The following KRT86 variants were observed in gnomAD, a reference collection of about 807,000 sequenced individuals.
KRT86 encodes the protein keratin 86, also known as keratin, type II cuticular Hb6.
A neutral mutation model predicts 41.2 loss-of-function variants in KRT86; 30 were observed. The ratio of observed to expected loss-of-function variants is 0.73; its 90% CI spans 0.54 to 0.99. The LOEUF (loss-of-function observed/expected upper bound fraction) is 0.99. Among genes scored for constraint, KRT86 ranks in the 50% least tolerant of loss-of-function variants. The pLI is 0.00. For synonymous variants in KRT86, 238 were observed against 238.1 expected, an observed-to-expected ratio of 1.00 and a Z score of 0.00; for missense variants, 561 against 571.4, an observed-to-expected ratio of 0.98 and a Z score of 0.19.
At chr12:52,282,377 C>T (rs985159782) in intron 2 of KRT86, among the ~76,000 whole-genome samples, 3 of 152,086 alleles carry the variant, frequency 2.0e-5, no homozygotes, top group Non-Finnish European at 2.9e-5. Flanking sequence ...GGACTACAGG[C>T]GCCTGCCACC....
Position 52,303,221 on chromosome 12 carries a change from GGGAGGCCGAGTGCGT to G in KRT86, c.501_515del (p.Glu167_Ala171del). 1 of 450,688 alleles carries G rather than the reference GGGAGGCCGAGTGCGT, an allele frequency of 2.2e-6. No individual in the cohort carries two copies. The allele number at this position is 450,688 out of a possible 1,614,324, so 27.9% of individuals were successfully genotyped here. On this transcript the variant is annotated inframe_deletion, in exon 4 of 11. Transcript: ENST00000423955. ...GAGGGCTACATCGAGACTCTGCGGC[GGGAGGCCGAGTGCGT>G]GGAGGCCGACAGCGGGAGGCTGGCC...
intron 2 of KRT86, among the ~76,000 whole-genome samples, chr12:52,285,240 G>A (rs4237896): frequency 0.48 from 73,452 of 151,892 alleles, 18,098 homozygotes; most frequent in Non-Finnish European, 0.52. Flanking sequence ...TGGGGCCCAG[G>A]CAGTCTGGCT....
At chr12:52,275,332 A>T (rs1248056299) in intron 1 of KRT86, among the ~76,000 whole-genome samples, 4 of 152,204 alleles carry the variant, frequency 2.6e-5, no homozygotes, top group Non-Finnish European at 5.9e-5. Flanking sequence ...AATCTAGATC[A>T]CTGTCCCTGG....
chr12:52,301,734 C>T (rs1938382035), intron 2 of KRT86, 179 bp from the exon 3 acceptor site: 4 of 1,184,636 alleles, frequency 3.4e-6, no homozygotes, highest in Non-Finnish European at 4.8e-6. Flanking sequence ...TGGGGAGCGA[C>T]AGCAGCTAAA....
At chr12:52,288,780 A>C (rs1368274564) in intron 2 of KRT86, among the ~76,000 whole-genome samples, 7 of 151,792 alleles carry the variant, frequency 4.6e-5, no homozygotes, top group Admixed American at 1.3e-4. Context: ...TGTCCCCCAC[A>C]AGTGCTCCAA....
At chr12:52,282,228 CT>C (rs561750119) in intron 2 of KRT86, among the ~76,000 whole-genome samples, 219 of 143,922 alleles carry the variant, frequency 1.5e-3, no homozygotes, top group African/African-American at 5.1e-3. Context: ...TTTGAGCCCC[CT>C]GAAACAATTT....
chr12:52,285,112 A>G (rs1937882950), intron 2 of KRT86, among the ~76,000 whole-genome samples: 1 of 152,314 alleles, frequency 6.6e-6, no homozygotes, highest in South Asian at 2.1e-4. Context: ...CCTTTAACTC[A>G]TCAACTTATG....
At chr12:52,295,048 T>G (rs1401448533) in intron 2 of KRT86, among the ~76,000 whole-genome samples, 1 of 152,254 alleles carries the variant, frequency 6.6e-6, no homozygotes, top group African/African-American at 2.4e-5. Context: ...TTCTGTAGAT[T>G]GAACAGAGCT....
rs537497895 is a variant in KRT86, at chr12:52,296,948, T to C, written c.-4-4965T>C. ...TAGCAGAGTCTCAGGGACGACACTGTCCCTGCTTATGAGGGCTGTGCCTCA... is the reference window on the plus strand; with the variant it reads ...TAGCAGAGTCTCAGGGACGACACTGCCCCTGCTTATGAGGGCTGTGCCTCA... On this transcript the variant is annotated intron_variant, in intron 2 of 10. Coordinates refer to ENST00000423955, the MANE Select transcript of KRT86 (RefSeq NM_001320198.2). 6.6e-5 allele frequency among the ~76,000 whole-genome samples: 10 copies of C among 152,336 alleles called. No homozygotes were observed. The South Asian group carries it at 2.1e-3, about 32-fold the overall frequency.
chr12:52,291,171 C>T lies in KRT86; in HGVS notation c.-4-10742C>T, dbSNP rs775232167. On this transcript the variant is annotated intron_variant, in intron 2 of 10. Transcript: ENST00000423955. ...TTCTCCTCCTGCTTCACGCACTGCG[C>T]GTTGGGGTCGATCTCCAGGTTGAGG... The T allele has an allele frequency of 3.8e-5, 46 of 1,211,142 alleles. No individual in the cohort carries two copies. Among genetic ancestry groups the T allele is most frequent in the Non-Finnish European group, 4.5e-5 (40 of 882,396 alleles). 75.0% of individuals were successfully genotyped at this position (1,211,142 alleles called of 1,614,324 possible). A position where few individuals can be genotyped will look rare whatever the true frequency, so the allele number is the denominator to read the frequency against.
At chr12:52,281,708 G>T (rs557350931) in intron 2 of KRT86, among the ~76,000 whole-genome samples, 1 of 152,098 alleles carries the variant, frequency 6.6e-6, no homozygotes, top group Non-Finnish European at 1.5e-5. Flanking sequence ...GATCTAAATT[G>T]TGAAGATTCT....
In KRT86 at chr12:52,301,814, G is replaced by A. The variant is rs1018583463; in HGVS notation, c.-4-99G>A. The A allele has an allele frequency of 4.3e-6, 7 of 1,611,760 alleles. No homozygotes were observed. In the African/African-American group the frequency reaches 8.0e-5, roughly 18 times the overall value. On this transcript the variant is annotated intron_variant, in intron 2 of 10. Transcript: ENST00000423955. Reference sequence around the variant, plus strand: ...TCACAGTCTCCCCACTTATATAAAAGGCCTACAGAGGTGCAAGTAGTGAAC... The same window carrying A: ...TCACAGTCTCCCCACTTATATAAAAAGCCTACAGAGGTGCAAGTAGTGAAC...
chr12:52,281,267 A>G lies in KRT86; in HGVS notation c.-5+5321A>G, dbSNP rs10876259. Reference sequence around the variant, plus strand: ...TTGCTTCTCAGCAGAAGGGCACTATAAGGTGTGAGTCCTCTGTTGGCTCTG... The same window carrying G: ...TTGCTTCTCAGCAGAAGGGCACTATGAGGTGTGAGTCCTCTGTTGGCTCTG... On this transcript the variant is annotated intron_variant, in intron 2 of 10. Transcript: ENST00000423955. 0.021 allele frequency among the ~76,000 whole-genome samples: 3,217 copies of G among 152,318 alleles called. 318 individuals carry two copies. The East Asian group carries it at 0.28, about 13-fold the overall frequency.
intron 2 of KRT86, chr12:52,291,352 G>T (rs780675114): frequency 6.3e-7 from 1 of 1,589,268 alleles, no homozygotes; most frequent in Non-Finnish European, 8.6e-7. Flanking sequence ...TGAGGCCGCG[G>T]TAGCAGGAGA....
chr12:52,284,723 G>A (rs1193964600), intron 2 of KRT86, among the ~76,000 whole-genome samples: 2 of 152,152 alleles, frequency 1.3e-5, no homozygotes, highest in African/African-American at 4.8e-5. Context: ...TAGGGGTGGG[G>A]GACTCCCATT....
In KRT86 at chr12:52,308,856, GT is replaced by G; in HGVS notation, c.*279del. The G allele has an allele frequency of 2.9e-5, 14 of 477,946 alleles. No homozygotes were observed. The highest frequency in any genetic ancestry group is 7.6e-5 in the East Asian group (2 of 26,430). 29.6% of individuals were successfully genotyped at this position (477,946 alleles called of 1,614,324 possible). A position where few individuals can be genotyped will look rare whatever the true frequency, so the allele number is the denominator to read the frequency against. On this transcript the variant is annotated 3_prime_UTR_variant, in exon 11 of 11. Coordinates refer to ENST00000423955, the MANE Select transcript of KRT86 (RefSeq NM_001320198.2). ...CATCTTTTTCTTCCGCCTGCCTTCT[GT>G]TTTTTTTGCTGTATACATTGGTCTT...
At chr12:52,276,135 T>C (rs1287519343) in intron 2 of KRT86, among the ~76,000 whole-genome samples, 189 bp downstream of exon 2, 1 of 152,222 alleles carries the variant, frequency 6.6e-6, no homozygotes, top group Admixed American at 6.5e-5. Flanking sequence ...ATTGTGTATT[T>C]TATGTAAGTA....
intron 2 of KRT86, among the ~76,000 whole-genome samples, chr12:52,294,934 G>C (rs1253404858): frequency 6.6e-6 from 1 of 152,156 alleles, no homozygotes; most frequent in Non-Finnish European, 1.5e-5. Context: ...GTTGCTTCCT[G>C]TAGCTGTCCT....
At chr12:52,298,903 C>T (rs935777669) in intron 2 of KRT86, among the ~76,000 whole-genome samples, 2 of 152,076 alleles carry the variant, frequency 1.3e-5, no homozygotes, top group Non-Finnish European at 2.9e-5. Context: ...CTGATCAAAT[C>T]AGAGTACTTG....
Sources: gnomAD v4.1 joint callset for allele counts (sites outside exome capture counted in the v4.1 genomes callset) on GRCh38, gnomAD v4.1.1 for gene constraint, MANE v1.5 for transcripts, NCBI Gene and HGNC (gene_info 2026-07-23, HGNC 2026-07-21) for gene names.